Variants in IGF1R observed in about 807,000 individuals in gnomAD.
IGF1R encodes the protein insulin-like growth factor 1 receptor.
A neutral mutation model predicts 144.6 loss-of-function variants in IGF1R; 44 were observed. The observed-to-expected ratio is 0.30, with a 90% CI of 0.24 to 0.39. The LOEUF is 0.39. Ranked by LOEUF, IGF1R falls within the 10% of genes least tolerant of loss-of-function variation. IGF1R has a pLI of 1.00. For synonymous variants in IGF1R, 795 were observed against 722.8 expected, an observed-to-expected ratio of 1.10 and a Z score of -1.60; for missense variants, 1,355 against 1,833.7, an observed-to-expected ratio of 0.74 and a Z score of 4.77.
In IGF1R at chr15:98,930,373, G is replaced by A. The variant is rs1596463900; in HGVS notation, c.2956+68G>A. 21 of 1,095,946 alleles carry A rather than the reference G, an allele frequency of 1.9e-5. No homozygotes were observed. In the East Asian group the frequency reaches 5.1e-4, roughly 27 times the overall value. The allele number at this position is 1,095,946 out of a possible 1,614,324, so 67.9% of individuals were successfully genotyped here. ...TAGATCGGGAGCTTTCAGGAGGGTT[G>A]CTAATTTGGGAAAGGAAGGAGGTTT... On this transcript the variant is annotated intron_variant, in intron 15 of 20. Transcript: ENST00000650285.
chr15:98,898,251 C>T (rs979516266), intron 4 of IGF1R, among the ~76,000 whole-genome samples: 1 of 152,198 alleles, frequency 6.6e-6, no homozygotes, highest in African/African-American at 2.4e-5. Context: ...CTTTTGAGTG[C>T]CTAAACTTTT....
intron 2 of IGF1R, among the ~76,000 whole-genome samples, chr15:98,835,622 G>A (rs570118841): frequency 2.0e-5 from 3 of 152,222 alleles, no homozygotes; most frequent in Non-Finnish European, 4.4e-5. Context: ...GGGAAGAGCT[G>A]CAGTTGTTGG....
intron 13 of IGF1R, among the ~76,000 whole-genome samples, chr15:98,924,910 A>G (rs983121688): frequency 6.6e-6 from 1 of 150,468 alleles, no homozygotes; most frequent in African/African-American, 2.4e-5. Flanking sequence ...AGGAAGGGAG[A>G]GGATCCGAGC....
At chr15:98,754,837 A>C (rs949348044) in intron 2 of IGF1R, among the ~76,000 whole-genome samples, 1 of 152,168 alleles carries the variant, frequency 6.6e-6, no homozygotes, top group Admixed American at 6.5e-5. Context: ...GAGACTAAAG[A>C]ACTTGCTACT....
intron 2 of IGF1R, among the ~76,000 whole-genome samples, chr15:98,780,614 A>G (rs1345012653): frequency 6.7e-6 from 1 of 150,124 alleles, no homozygotes; most frequent in Non-Finnish European, 1.5e-5. Flanking sequence ...TGAATATGTT[A>G]TCTACTTGAT....
At chr15:98,724,127 C>G (rs1216653659) in intron 2 of IGF1R, among the ~76,000 whole-genome samples, 1 of 152,168 alleles carries the variant, frequency 6.6e-6, no homozygotes. Flanking sequence ...AATGAGGAGA[C>G]TTTTGAACTC....
At chr15:98,686,038 C>T (rs1279555815) in intron 1 of IGF1R, among the ~76,000 whole-genome samples, 1 of 152,222 alleles carries the variant, frequency 6.6e-6, no homozygotes, top group Non-Finnish European at 1.5e-5. Context: ...AAACAACTCC[C>T]CATTGCCTTT....
chr15:98,685,625 AG>A (rs2053307970), intron 1 of IGF1R, among the ~76,000 whole-genome samples: 1 of 152,186 alleles, frequency 6.6e-6, no homozygotes, highest in South Asian at 2.1e-4. Flanking sequence ...TTGTCTGTCC[AG>A]GGTCCCTCCA....
At chr15:98,852,228 C>G (rs1005887463) in intron 2 of IGF1R, among the ~76,000 whole-genome samples, 1 of 152,200 alleles carries the variant, frequency 6.6e-6, no homozygotes. Flanking sequence ...GGGGGACGCC[C>G]GCTCCGCCGG....
At chr15:98,939,655 A>G (rs894359874) in intron 18 of IGF1R, among the ~76,000 whole-genome samples, 1 of 152,240 alleles carries the variant, frequency 6.6e-6, no homozygotes, top group Non-Finnish European at 1.5e-5. Context: ...GGTTACAGAA[A>G]TAATTAAGAC....
intron 2 of IGF1R, among the ~76,000 whole-genome samples, chr15:98,826,706 G>A (rs953667838): frequency 6.6e-6 from 1 of 152,184 alleles, no homozygotes; most frequent in African/African-American, 2.4e-5. Context: ...TTGTTTATCA[G>A]TGACATATGT....
rs143837831 is a variant in IGF1R, at chr15:98,808,055, G to C, written c.641-83270G>C. 3.5e-3 allele frequency among the ~76,000 whole-genome samples: 538 copies of C among 152,312 alleles called. 5 individuals are homozygous for C. The highest frequency in any genetic ancestry group is 0.012 in the African/African-American group (497 of 41,564). ...AGTAATGAAGTTGTGAGGACACACA[G>C]ATACCACATCCATGTTGTTTGGGAA... On this transcript the variant is annotated intron_variant, in intron 2 of 20. Transcript: ENST00000650285.
intron 17 of IGF1R, among the ~76,000 whole-genome samples, chr15:98,938,168 C>T (rs1045229356): frequency 6.6e-6 from 1 of 152,244 alleles, no homozygotes. Context: ...TGGGCACTTT[C>T]TGTGCGTGGC....
chr15:98,871,863 A>C lies in IGF1R; in HGVS notation c.641-19462A>C, dbSNP rs182775457. On this transcript the variant is annotated intron_variant, in intron 2 of 20. Transcript: ENST00000650285. ...TGGGGACACAGAGCCAAACCATATC[A>C]CTGTGTAAAAGTTGAATAAAGTTAT... 2.9e-3 allele frequency among the ~76,000 whole-genome samples: 435 copies of C among 152,364 alleles called. 3 individuals are homozygous for C. Among genetic ancestry groups the C allele is most frequent in the African/African-American group, 9.7e-3 (404 of 41,584 alleles).
intron 1 of IGF1R, among the ~76,000 whole-genome samples, chr15:98,673,339 G>A (rs759517099): frequency 3.9e-5 from 6 of 152,138 alleles, no homozygotes; most frequent in African/African-American, 7.2e-5. Flanking sequence ...TCTTAGTGGC[G>A]GACTAGCGGT....
At chr15:98,744,351 A>T (rs975410557) in intron 2 of IGF1R, among the ~76,000 whole-genome samples, 1 of 152,046 alleles carries the variant, frequency 6.6e-6, no homozygotes, top group Non-Finnish European at 1.5e-5. Context: ...TGAGAAATGA[A>T]GACCTCCACT....
chr15:98,814,774 A>G (rs1232244997), intron 2 of IGF1R, among the ~76,000 whole-genome samples: 1 of 151,352 alleles, frequency 6.6e-6, no homozygotes, highest in Non-Finnish European at 1.5e-5. Context: ...AAATGAATGG[A>G]AGACCAAAAA....
intron 2 of IGF1R, among the ~76,000 whole-genome samples, chr15:98,714,924 G>C (rs778216527): frequency 3.9e-5 from 6 of 152,254 alleles, no homozygotes; most frequent in African/African-American, 1.2e-4. Flanking sequence ...CTGCTAAGAC[G>C]ATCATGACAC....
At chr15:98,753,864 A>G (rs1009782472) in intron 2 of IGF1R, among the ~76,000 whole-genome samples, 2 of 152,178 alleles carry the variant, frequency 1.3e-5, no homozygotes, top group African/African-American at 4.8e-5. Context: ...CAGAGAAAGG[A>G]TACTTTCAGT....
Sources: allele counts gnomAD v4.1 joint callset (sites outside exome capture counted in the v4.1 genomes callset), GRCh38; gene constraint gnomAD v4.1.1; transcripts MANE v1.5; gene names NCBI Gene and HGNC (gene_info 2026-07-23, HGNC 2026-07-21).